LACTB: variants seen among roughly 807,000 people sequenced by gnomAD.
LACTB encodes lactamase beta.
Under a neutral mutation model 50.2 loss-of-function variants are expected in LACTB, and 35 were observed. That is an observed-to-expected ratio of 0.70 (90% CI 0.53 to 0.92). LACTB has a LOEUF of 0.92. LACTB is among the 40% of genes least tolerant of loss of function. The pLI is 0.00. For synonymous variants in LACTB, 252 were observed against 268.2 expected, an observed-to-expected ratio of 0.94 and a Z score of 0.59; for missense variants, 664 against 691.8, an observed-to-expected ratio of 0.96 and a Z score of 0.45.
chr15:63,140,014 G>T (rs2037214216), intron 5 of LACTB, among the ~76,000 whole-genome samples: 1 of 152,092 alleles, frequency 6.6e-6, no homozygotes. Flanking sequence ...GGCTGAGGCA[G>T]GAAGATTGCT....
At chr15:63,130,800 AT>A (rs1566991744) in intron 5 of LACTB, 1 of 152,154 alleles carries the variant, frequency 6.6e-6, no homozygotes, top group Non-Finnish European at 1.5e-5. Flanking sequence ...TAAAGTTACT[AT>A]TTTTACTTTA....
rs778720573 is a variant in LACTB, at chr15:63,126,963, T to C, written c.529T>C (p.Leu177=). Residue 177 remains leucine, a synonymous_variant, in exon 3 of 6, where the codon TTG becomes CTG. Coordinates refer to ENST00000261893, the MANE Select transcript of LACTB (RefSeq NM_032857.5). ...KSLTMVALAK[L]WEAGKLDLDI... ...TCTCACCATGGTTGCTCTTGCCAAA[T>C]TGTGGGAAGCAGGGAAACTGGATCT... is the stretch of plus-strand genomic sequence containing the variant. 1.9e-6 allele frequency: 3 copies of C among 1,613,758 alleles called. No homozygotes were observed. Among genetic ancestry groups the C allele is most frequent in the Admixed American group, 1.7e-5 (1 of 59,960 alleles).
At chr15:63,123,181 ATTGT>A (rs1046455101) in intron 2 of LACTB, among the ~76,000 whole-genome samples, 3 of 152,238 alleles carry the variant, frequency 2.0e-5, no homozygotes, top group African/African-American at 4.8e-5. Flanking sequence ...AAGCTTACGA[ATTGT>A]TTATTTCTGG....
At chr15:63,138,157 C>G (rs2037192972) in intron 5 of LACTB, among the ~76,000 whole-genome samples, 1 of 152,078 alleles carries the variant, frequency 6.6e-6, no homozygotes. Context: ...AAAACCCTCT[C>G]TCTACAAAAA....
chr15:63,128,238 A>G (rs1042068163), intron 4 of LACTB, among the ~76,000 whole-genome samples: 3 of 152,182 alleles, frequency 2.0e-5, no homozygotes, highest in African/African-American at 7.2e-5. Flanking sequence ...TTTTAGTTGA[A>G]TAGATATTTT....
rs2037233843 is a variant in LACTB at position 63,141,975 on chromosome 15, G to T, written c.*170G>T. 6 of 572,522 alleles carry T rather than the reference G, an allele frequency of 1.0e-5. No homozygotes were observed. The highest frequency in any genetic ancestry group is 2.8e-5 in the South Asian group (1 of 35,638). 35.5% of individuals were successfully genotyped at this position (572,522 alleles called of 1,614,324 possible). ...TGTAATGGTCTTTTATTGTAGAATTGGTTCTTTATACTCAGGGAAGTAATT... is the reference window on the plus strand; with the variant it reads ...TGTAATGGTCTTTTATTGTAGAATTTGTTCTTTATACTCAGGGAAGTAATT... On this transcript the variant is annotated 3_prime_UTR_variant, in exon 6 of 6. Transcript: ENST00000261893.
Position 63,141,581 on chromosome 15 carries a change from G to T in LACTB, c.1420G>T (p.Gly474Cys). Residue 474 changes from glycine to cysteine, a missense_variant, in exon 6 of 6, where the codon GGT becomes TGT. Coordinates refer to ENST00000261893, the MANE Select transcript of LACTB (RefSeq NM_032857.5). Reference sequence around the variant, plus strand: ...TGTTGTGGAAAGGAAACAAACGTATGGTTCGTGTAGAAAGCAACGGCATTA... The same window carrying T: ...TGTTGTGGAAAGGAAACAAACGTATTGTTCGTGTAGAAAGCAACGGCATTA... ...WGVVERKQTYGSCRKQRHYAS... is the reference protein window; with the variant it reads ...WGVVERKQTYCSCRKQRHYAS... 1 of 1,614,198 alleles carries T rather than the reference G, an allele frequency of 6.2e-7. No individual in the cohort carries two copies. Among genetic ancestry groups the T allele is most frequent in the Non-Finnish European group, 8.5e-7 (1 of 1,180,022 alleles).
chr15:63,137,784 A>G (rs899690315), intron 5 of LACTB, among the ~76,000 whole-genome samples: 1 of 152,204 alleles, frequency 6.6e-6, no homozygotes, highest in African/African-American at 2.4e-5. Context: ...GTATTTTGAC[A>G]GTATAAATAT....
At chr15:63,133,827 A>G (rs1454947214) in intron 5 of LACTB, among the ~76,000 whole-genome samples, 1 of 152,256 alleles carries the variant, frequency 6.6e-6, no homozygotes, top group Non-Finnish European at 1.5e-5. Context: ...TTGTAGAGAA[A>G]AATTTGAGAC....
In LACTB at chr15:63,129,558, A is replaced by G. The variant is rs2037102087; in HGVS notation, c.1026A>G (p.Lys342=). Reference sequence around the variant, plus strand: ...TAGTAGAGAGAGCTTCAGGATGTAAATATTTGGACTATATGCAGAAAATAT... The same window carrying G: ...TAGTAGAGAGAGCTTCAGGATGTAAGTATTTGGACTATATGCAGAAAATAT... The part of the protein sequence containing the change: ...AAIVERASGC[K]YLDYMQKIFH... The change falls in exon 5 of 6, where the codon AAA becomes AAG. Residue 342 remains lysine (K), a synonymous_variant. Transcript: ENST00000261893. The G allele has an allele frequency of 3.1e-6, 5 of 1,613,544 alleles. No homozygotes were observed. The highest frequency in any genetic ancestry group is 1.6e-4 in the Middle Eastern group (1 of 6,082).
At chr15:63,140,584 C>G (rs953414423) in intron 5 of LACTB, among the ~76,000 whole-genome samples, 1 of 152,142 alleles carries the variant, frequency 6.6e-6, no homozygotes. Context: ...CTAACTCCAG[C>G]CTTTCCCACT....
At chr15:63,123,446 C>T (rs1392195279) in intron 2 of LACTB, among the ~76,000 whole-genome samples, 1 of 152,212 alleles carries the variant, frequency 6.6e-6, no homozygotes, top group African/African-American at 2.4e-5. Flanking sequence ...ACCAGCCCCA[C>T]AGGGTCGGTG....
intron 5 of LACTB, among the ~76,000 whole-genome samples, chr15:63,135,549 C>G (rs1321458920): frequency 6.6e-6 from 1 of 152,082 alleles, no homozygotes; most frequent in Non-Finnish European, 1.5e-5. Flanking sequence ...TGGTGAAACC[C>G]TGTCAGACAA....
chr15:63,131,869 C>G (rs1187332862), intron 5 of LACTB, among the ~76,000 whole-genome samples: 2 of 151,828 alleles, frequency 1.3e-5, no homozygotes, highest in African/African-American at 4.8e-5. Context: ...TGTTTGATCC[C>G]AGAAGGTGGA....
chr15:63,134,463 G>A (rs1566992656), intron 5 of LACTB, among the ~76,000 whole-genome samples: 1 of 152,126 alleles, frequency 6.6e-6, no homozygotes, highest in Non-Finnish European at 1.5e-5. Context: ...TCTCTCCACA[G>A]TGGTGTCCCT....
intron 5 of LACTB, among the ~76,000 whole-genome samples, chr15:63,137,699 A>G (rs189739254): frequency 7.4e-4 from 113 of 152,288 alleles, no homozygotes; most frequent in Middle Eastern, 3.4e-3. Flanking sequence ...TGTATTCTCA[A>G]ATACTGGATC....
chr15:63,141,848 T>C lies in LACTB; in HGVS notation c.*43T>C. On this transcript the variant is annotated 3_prime_UTR_variant, in exon 6 of 6. Transcript: ENST00000261893. ...GTGCAAAATGAGTTGTTCTGAGGTTTTTTTGAAACATTAAAGTTCCAAAAC... is the reference window on the plus strand; with the variant it reads ...GTGCAAAATGAGTTGTTCTGAGGTTCTTTTGAAACATTAAAGTTCCAAAAC... 1 of 1,509,812 alleles carries C rather than the reference T, an allele frequency of 6.6e-7. No homozygotes were observed. The highest frequency in any genetic ancestry group is 9.0e-7 in the Non-Finnish European group (1 of 1,115,734). 93.5% of individuals were successfully genotyped at this position (1,509,812 alleles called of 1,614,324 possible). A position where few individuals can be genotyped will look rare whatever the true frequency, so the allele number is the denominator to read the frequency against.
At chr15:63,126,550 T>C (rs1444066179) in intron 2 of LACTB, among the ~76,000 whole-genome samples, 1 of 152,228 alleles carries the variant, frequency 6.6e-6, no homozygotes, top group Non-Finnish European at 1.5e-5. Context: ...CTTTAAAGAA[T>C]ACTTTATTTA....
chr15:63,122,535 G>T (rs1303768622), intron 1 of LACTB, 101 bp from the exon 2 acceptor site: 2 of 953,722 alleles, frequency 2.1e-6, no homozygotes, highest in East Asian at 2.4e-5. Flanking sequence ...GGAGGGGGCG[G>T]GGCCCAGGCT....
Sources: gnomAD v4.1 joint callset for allele counts (sites outside exome capture counted in the v4.1 genomes callset) on GRCh38, gnomAD v4.1.1 for gene constraint, MANE v1.5 for transcripts, NCBI Gene and HGNC (gene_info 2026-07-23, HGNC 2026-07-21) for gene names.